DLG2: variants seen among roughly 807,000 people sequenced by gnomAD.
DLG2 encodes disks large homolog 2.
In DLG2, 45 loss-of-function variants were observed where a neutral mutation model predicts 132.5. The ratio of observed to expected loss-of-function variants is 0.34; its 90% CI spans 0.27 to 0.44. DLG2 has a LOEUF of 0.44. Among genes scored for constraint, DLG2 ranks in the 20% least tolerant of loss-of-function variants. The pLI, the probability that DLG2 is intolerant of heterozygous loss-of-function variation, is 1.00. For synonymous variants in DLG2, 424 were observed against 419.6 expected, an observed-to-expected ratio of 1.01 and a Z score of -0.13; for missense variants, 1,045 against 1,196.9, an observed-to-expected ratio of 0.87 and a Z score of 1.87.
chr11:84,222,001 A>G (rs1240193861), intron 8 of DLG2, among the ~76,000 whole-genome samples: 1 of 152,124 alleles, frequency 6.6e-6, no homozygotes, highest in African/African-American at 2.4e-5. Context: ...AAATTAACAT[A>G]GCAATGTATT....
intron 3 of DLG2, among the ~76,000 whole-genome samples, chr11:85,548,758 T>C (rs952521050): frequency 6.6e-6 from 1 of 152,120 alleles, no homozygotes; most frequent in African/African-American, 2.4e-5. Context: ...CTCCCCACAA[T>C]TTGAACTTCC....
intron 7 of DLG2, among the ~76,000 whole-genome samples, chr11:84,435,975 G>A (rs1013058070): frequency 3.9e-5 from 6 of 151,988 alleles, no homozygotes; most frequent in Non-Finnish European, 8.8e-5. Context: ...TAGGAAGAAA[G>A]GACTTTTCTA....
chr11:84,260,427 AAAAT>A (rs1187719330), intron 7 of DLG2, among the ~76,000 whole-genome samples: 1 of 152,240 alleles, frequency 6.6e-6, no homozygotes, highest in Non-Finnish European at 1.5e-5. Flanking sequence ...ATAAAAGGCT[AAAAT>A]AAATTACTCA....
At chr11:83,763,059 A>C (rs1566869447) in intron 18 of DLG2, among the ~76,000 whole-genome samples, 1 of 152,272 alleles carries the variant, frequency 6.6e-6, no homozygotes. Context: ...AGTTCCCTAT[A>C]AAGGGCTGCC....
chr11:84,987,119 C>G (rs969758623), intron 6 of DLG2, among the ~76,000 whole-genome samples: 2 of 152,078 alleles, frequency 1.3e-5, no homozygotes, highest in Admixed American at 6.6e-5. Flanking sequence ...ACACCAACAG[C>G]GACCAAGTGG....
chr11:83,918,900 C>G (rs1317483772), intron 15 of DLG2, among the ~76,000 whole-genome samples: 2 of 152,134 alleles, frequency 1.3e-5, no homozygotes, highest in Non-Finnish European at 2.9e-5. Flanking sequence ...CTGCCAGACA[C>G]TGCCCAGTTC....
chr11:85,429,965 C>T lies in DLG2; in HGVS notation c.41-144600G>A, dbSNP rs574001467. ...AAAGACTTGGAACCAACCCAAATGT[C>T]CAACAATGATAGACTGGATTAAGAA... On this transcript the variant is annotated intron_variant, in intron 3 of 27. Transcript: ENST00000376104. Among the ~76,000 whole-genome samples, 173 of 152,184 alleles carry T rather than the reference C, an allele frequency of 1.1e-3. 2 individuals are homozygous for T. The South Asian group carries it at 0.016, about 14-fold the overall frequency.
chr11:85,052,134 G>C (rs1437231328), intron 6 of DLG2, among the ~76,000 whole-genome samples: 1 of 152,140 alleles, frequency 6.6e-6, no homozygotes, highest in African/African-American at 2.4e-5. Context: ...TGCAAGAAAA[G>C]TGAAGAGAAT....
intron 3 of DLG2, among the ~76,000 whole-genome samples, chr11:85,427,796 T>C (rs2090876131): frequency 6.6e-6 from 1 of 152,192 alleles, no homozygotes; most frequent in African/African-American, 2.4e-5. Flanking sequence ...TAAATGTAAA[T>C]GGACTAAATG....
chr11:83,788,239 T>C (rs1438930838), intron 17 of DLG2, among the ~76,000 whole-genome samples: 1 of 152,226 alleles, frequency 6.6e-6, no homozygotes, highest in Non-Finnish European at 1.5e-5. Context: ...GGGACATCCA[T>C]ACGCTTAAAT....
intron 19 of DLG2, among the ~76,000 whole-genome samples, chr11:83,548,936 C>T (rs566884804): frequency 6.6e-6 from 1 of 152,206 alleles, no homozygotes; most frequent in Non-Finnish European, 1.5e-5. Context: ...AGCTCCCAGA[C>T]CAAGTCTCAG....
In DLG2 at chr11:84,720,546, C is replaced by A. The variant is rs952767675; in HGVS notation, c.358-185815G>T. 52 of 945,760 alleles carry A rather than the reference C, an allele frequency of 5.5e-5. 1 individual carries two copies. The East Asian group carries it at 1.5e-3, about 28-fold the overall frequency. 58.6% of individuals were successfully genotyped at this position (945,760 alleles called of 1,614,324 possible). ...CATCCCGGAGCCCCGGTGGAAGCAA[C>A]GCCGCGGGCAAGTACCGAGCCTCTC... On this transcript the variant is annotated intron_variant, in intron 6 of 27. Transcript: ENST00000376104.
intron 19 of DLG2, among the ~76,000 whole-genome samples, chr11:83,596,101 T>C (rs1166248422): frequency 6.6e-6 from 1 of 152,044 alleles, no homozygotes; most frequent in Non-Finnish European, 1.5e-5. Flanking sequence ...TATAACTGAA[T>C]CAAATAAAAT....
chr11:83,662,786 T>G (rs769857773), intron 18 of DLG2, among the ~76,000 whole-genome samples: 2 of 152,126 alleles, frequency 1.3e-5, no homozygotes, highest in Admixed American at 6.5e-5. Context: ...AGAATTGCAG[T>G]TTAGATTCTC....
At chr11:83,914,719 C>T (rs892959896) in intron 15 of DLG2, among the ~76,000 whole-genome samples, 2 of 152,150 alleles carry the variant, frequency 1.3e-5, no homozygotes, top group African/African-American at 4.8e-5. Flanking sequence ...AATGCTACCC[C>T]ACACTGTTGA....
At chr11:84,082,788 G>A (rs539529450) in intron 10 of DLG2, among the ~76,000 whole-genome samples, 46 of 152,162 alleles carry the variant, frequency 3.0e-4, no homozygotes, top group Non-Finnish European at 5.3e-4. Flanking sequence ...ACCTCCATAG[G>A]CTTCTGGAAA....
intron 3 of DLG2, among the ~76,000 whole-genome samples, chr11:85,545,533 C>T (rs1231907792): frequency 6.6e-6 from 1 of 152,008 alleles, no homozygotes; most frequent in African/African-American, 2.4e-5. Context: ...CCCTCTTTTT[C>T]TATTGTTTGG....
intron 4 of DLG2, among the ~76,000 whole-genome samples, chr11:85,172,315 G>A (rs1264617690): frequency 6.6e-6 from 1 of 152,210 alleles, no homozygotes; most frequent in Non-Finnish European, 1.5e-5. Context: ...AGGTGCTGAA[G>A]GGAACAAGGT....
intron 4 of DLG2, among the ~76,000 whole-genome samples, chr11:85,194,125 A>C (rs2080852063): frequency 6.6e-6 from 1 of 152,234 alleles, no homozygotes; most frequent in Non-Finnish European, 1.5e-5. Flanking sequence ...TCCTACTATA[A>C]GGCAATGCAG....
Sources: gnomAD v4.1 joint callset for allele counts (sites outside exome capture counted in the v4.1 genomes callset) on GRCh38, gnomAD v4.1.1 for gene constraint, MANE v1.5 for transcripts, NCBI Gene and HGNC (gene_info 2026-07-23, HGNC 2026-07-21) for gene names.